CLSTN2: variants seen among roughly 807,000 people sequenced by gnomAD.
CLSTN2 encodes the protein calsyntenin 2.
A neutral mutation model predicts 101.2 loss-of-function variants in CLSTN2; 48 were observed. That is an observed-to-expected ratio of 0.47 (90% CI 0.38 to 0.60). The LOEUF (loss-of-function observed/expected upper bound fraction) is 0.60. Among genes scored for constraint, CLSTN2 ranks in the 20% least tolerant of loss-of-function variants. The probability of loss-of-function intolerance (pLI) is 0.00; values close to 1 mark genes in which losing one functional copy is unlikely to be tolerated. For missense variants in CLSTN2, 1,160 were observed against 1,238.2 expected (o/e 0.94, Z 0.95); for synonymous variants, 481 against 463.6 (o/e 1.04, Z -0.48).
intron 5 of CLSTN2, among the ~76,000 whole-genome samples, chr3:140,435,911 C>T (rs182585494): frequency 2.0e-5 from 3 of 152,264 alleles, no homozygotes; most frequent in Admixed American, 1.3e-4. Context: ...ATCCTTCGAT[C>T]GAATTCCTAG....
intron 1 of CLSTN2, among the ~76,000 whole-genome samples, chr3:140,054,500 G>T (rs1477303519): frequency 2.6e-5 from 4 of 152,164 alleles, no homozygotes; most frequent in Admixed American, 2.6e-4. Flanking sequence ...GTAAGGGGTG[G>T]AGATGACTTG....
chr3:140,081,053 T>G (rs557336760), intron 1 of CLSTN2, among the ~76,000 whole-genome samples: 2 of 152,348 alleles, frequency 1.3e-5, no homozygotes, highest in South Asian at 4.1e-4. Flanking sequence ...CGATGCTATG[T>G]CTTTGTGGAA....
intron 1 of CLSTN2, among the ~76,000 whole-genome samples, chr3:140,000,969 G>T (rs956044724): frequency 6.6e-6 from 1 of 152,142 alleles, no homozygotes; most frequent in Non-Finnish European, 1.5e-5. Flanking sequence ...AAATGAAGGC[G>T]CTTGTTGGAC....
intron 8 of CLSTN2, among the ~76,000 whole-genome samples, chr3:140,480,112 C>G (rs1576590916): frequency 6.6e-6 from 1 of 151,422 alleles, no homozygotes; most frequent in East Asian, 1.9e-4. Context: ...AACCCCACAA[C>G]AGGCCCCAGT....
At chr3:140,436,926 T>C (rs347340) in intron 5 of CLSTN2, among the ~76,000 whole-genome samples, 100,696 of 152,044 alleles carry the variant, frequency 0.66, 35,238 homozygotes, top group East Asian at 0.92. Context: ...TCCCTCTCTG[T>C]GTTCCCCAGT....
chr3:140,146,930 G>A (rs957864021), intron 1 of CLSTN2, among the ~76,000 whole-genome samples: 5 of 152,174 alleles, frequency 3.3e-5, no homozygotes, highest in Non-Finnish European at 7.3e-5. Flanking sequence ...TATCTATTCA[G>A]CACTAAGCTC....
At position 140,501,363 on chromosome 3, in the gene CLSTN2, C is replaced by T. The variant is rs1934573319; in HGVS notation, c.1345-30961C>T. On this transcript the variant is annotated intron_variant, in intron 8 of 16. Transcript: ENST00000458420. The stretch of plus-strand genomic sequence containing the variant: ...CAAGGATAACTTCCTCATACCAGTC[C>T]TCCTGCAAACTAGCTTTCTCCTGCC... 1.3e-5 allele frequency among the ~76,000 whole-genome samples: 2 copies of T among 152,216 alleles called. 1 individual carries two copies. Among genetic ancestry groups the T allele is most frequent in the South Asian group, 4.1e-4 (2 of 4,824 alleles).
At chr3:140,085,025 G>A (rs566385698) in intron 1 of CLSTN2, among the ~76,000 whole-genome samples, 3 of 152,306 alleles carry the variant, frequency 2.0e-5, no homozygotes, top group East Asian at 1.9e-4. Context: ...GTCTTCTACC[G>A]TTTACTTCTC....
At chr3:140,190,239 T>G (rs1198995845) in intron 2 of CLSTN2, among the ~76,000 whole-genome samples, 2 of 152,172 alleles carry the variant, frequency 1.3e-5, no homozygotes, top group Non-Finnish European at 2.9e-5. Flanking sequence ...TGTATGGGTC[T>G]ATTTCTGGAT....
At position 140,147,071 on chromosome 3, in the gene CLSTN2, A is replaced by G. The variant is rs940432504; in HGVS notation, c.110-28880A>G. On this transcript the variant is annotated intron_variant, in intron 1 of 16. Coordinates refer to ENST00000458420, the MANE Select transcript of CLSTN2 (RefSeq NM_022131.3). ...GAATAAATGGATGGATGAATGGATG[A>G]GTGAATGGATGTAGACACTCCCCTT... is the stretch of plus-strand genomic sequence containing the variant. Among the ~76,000 whole-genome samples, 5 of 152,244 alleles carry G rather than the reference A, an allele frequency of 3.3e-5. No homozygotes were observed. The East Asian group carries it at 9.6e-4, about 29-fold the overall frequency.
At chr3:140,535,188 A>G (rs1935334269) in intron 9 of CLSTN2, among the ~76,000 whole-genome samples, 1 of 152,260 alleles carries the variant, frequency 6.6e-6, no homozygotes, top group Admixed American at 6.5e-5. Flanking sequence ...CAGACCAACC[A>G]GAAAACTCTT....
intron 5 of CLSTN2, among the ~76,000 whole-genome samples, chr3:140,444,091 A>C (rs1295835134): frequency 6.6e-6 from 1 of 152,164 alleles, no homozygotes; most frequent in Non-Finnish European, 1.5e-5. Flanking sequence ...GTTAAACATG[A>C]ATCTGTAAAA....
Position 140,566,369 on chromosome 3 carries a change from T to C in CLSTN2, c.*116T>C, listed in dbSNP as rs942582243. The C allele has an allele frequency of 3.5e-5, 37 of 1,066,458 alleles. No individual in the cohort carries two copies. Among genetic ancestry groups the C allele is most frequent in the Non-Finnish European group, 4.8e-5 (35 of 725,902 alleles). The allele number at this position is 1,066,458 out of a possible 1,614,324, so 66.1% of individuals were successfully genotyped here. The stretch of plus-strand genomic sequence containing the variant: ...CTGTGACATGTCTGGGAAGGCCTTC[T>C]CCAGCTTCCTGGAGCCCACCCTTTA... On this transcript the variant is annotated 3_prime_UTR_variant, in exon 17 of 17. Transcript: ENST00000458420.
chr3:140,208,465 G>A (rs971136008), intron 2 of CLSTN2, among the ~76,000 whole-genome samples: 1 of 152,028 alleles, frequency 6.6e-6, no homozygotes, highest in African/African-American at 2.4e-5. Flanking sequence ...TTTAGGCAAG[G>A]GGAATTTACT....
At chr3:140,280,309 C>A (rs2086832699) in intron 2 of CLSTN2, among the ~76,000 whole-genome samples, 1 of 152,126 alleles carries the variant, frequency 6.6e-6, no homozygotes, top group East Asian at 1.9e-4. Context: ...CATTTCGGAT[C>A]CTGGGTCTTT....
At chr3:139,988,817 C>G (rs974565954) in intron 1 of CLSTN2, among the ~76,000 whole-genome samples, 1 of 152,106 alleles carries the variant, frequency 6.6e-6, no homozygotes, top group Admixed American at 6.5e-5. Context: ...CTGATGGGAT[C>G]CTGCCTGGTT....
At chr3:140,228,936 A>T (rs1156575965) in intron 2 of CLSTN2, among the ~76,000 whole-genome samples, 1 of 152,202 alleles carries the variant, frequency 6.6e-6, no homozygotes, top group Non-Finnish European at 1.5e-5. Flanking sequence ...AATACAGCCA[A>T]ACCATATCAG....
chr3:140,364,972 A>G (rs1321270439), intron 2 of CLSTN2, among the ~76,000 whole-genome samples: 2 of 152,176 alleles, frequency 1.3e-5, no homozygotes, highest in African/African-American at 2.4e-5. Context: ...ACATGGTGCA[A>G]TGCTGGGGGA....
At chr3:140,221,135 G>A (rs1478719760) in intron 2 of CLSTN2, among the ~76,000 whole-genome samples, 1 of 152,196 alleles carries the variant, frequency 6.6e-6, no homozygotes, top group African/African-American at 2.4e-5. Context: ...CTGGTAGAGA[G>A]GGCATTTTCC....
Sources: allele counts gnomAD v4.1 joint callset (sites outside exome capture counted in the v4.1 genomes callset), GRCh38; gene constraint gnomAD v4.1.1; transcripts MANE v1.5; gene names NCBI Gene and HGNC (gene_info 2026-07-23, HGNC 2026-07-21).